The following ITFG1 variants were observed in gnomAD, a reference collection of about 807,000 sequenced individuals.
The protein encoded by ITFG1 is integrin alpha FG-GAP repeat containing 1.
In ITFG1, 34 loss-of-function variants were observed where a neutral mutation model predicts 81.8. The observed-to-expected ratio is 0.42, with a 90% CI of 0.32 to 0.55. The LOEUF (loss-of-function observed/expected upper bound fraction) is 0.55. Ranked by LOEUF, ITFG1 falls within the 20% of genes least tolerant of loss-of-function variation. ITFG1 has a pLI of 0.17. For missense variants in ITFG1, 672 were observed against 755.4 expected (o/e 0.89, Z 1.29); for synonymous variants, 285 against 270.6 (o/e 1.05, Z -0.52).
rs1220818717 is a variant in ITFG1 at position 47,460,896 on chromosome 16, A to G, written c.150T>C (p.Leu50=). ...CGGAGTTGAGGTCCCCGAAAGCCGC[A>G]AGGGTGCCCCAGGCCTCGGCCCCAA... ...ELFGAEAWGT[L]AAFGDLNSDK... The change falls in exon 1 of 18, where the codon CTT becomes CTC. Residue 50 remains leucine (L), a synonymous_variant. Transcript: ENST00000320640. The G allele has an allele frequency of 6.2e-7, 1 of 1,613,486 alleles. No individual in the cohort carries two copies. The highest frequency in any genetic ancestry group is 1.3e-5 in the African/African-American group (1 of 74,936).
chr16:47,264,080 A>AT (rs1215736692), intron 10 of ITFG1, among the ~76,000 whole-genome samples: 2 of 152,104 alleles, frequency 1.3e-5, no homozygotes, highest in East Asian at 1.9e-4. Context: ...TATCTTAAAC[A>AT]TTTTTTTATT....
In ITFG1 at chr16:47,189,928, G is replaced by T. The variant is rs574673509; in HGVS notation, c.1454-27264C>A. Among the ~76,000 whole-genome samples, 3 of 152,258 alleles carry T rather than the reference G, an allele frequency of 2.0e-5. No individual in the cohort carries two copies. The East Asian group carries it at 5.8e-4, about 29-fold the overall frequency. On this transcript the variant is annotated intron_variant, in intron 14 of 17. Coordinates refer to ENST00000320640, the MANE Select transcript of ITFG1 (RefSeq NM_030790.5). ...CTCCCATAAAACCAAACTGCATTAG[G>T]TGTTATTGCTTGTGGAGTTCCAATT... is the stretch of plus-strand genomic sequence containing the variant.
intron 8 of ITFG1, among the ~76,000 whole-genome samples, chr16:47,350,994 T>C (rs1354746814): frequency 5.9e-5 from 9 of 152,218 alleles, no homozygotes; most frequent in Admixed American, 1.3e-4. Flanking sequence ...GAAAAGGCCT[T>C]TGACAAAATT....
intron 12 of ITFG1, among the ~76,000 whole-genome samples, chr16:47,248,055 C>T (rs1966023317): frequency 6.7e-6 from 1 of 148,946 alleles, no homozygotes; most frequent in Non-Finnish European, 1.5e-5. Context: ...TACATACTCA[C>T]GTATTTTCAT....
intron 10 of ITFG1, among the ~76,000 whole-genome samples, chr16:47,276,895 A>G (rs1966403713): frequency 6.6e-6 from 1 of 152,246 alleles, no homozygotes; most frequent in African/African-American, 2.4e-5. Flanking sequence ...ACATATGAAA[A>G]GTAAAATTCT....
At chr16:47,250,514 C>T (rs1312905237) in intron 12 of ITFG1, among the ~76,000 whole-genome samples, 2 of 151,960 alleles carry the variant, frequency 1.3e-5, no homozygotes, top group African/African-American at 2.4e-5. Context: ...TTAATAATTT[C>T]ACAAGGTATA....
At chr16:47,277,840 G>T (rs1026550857) in intron 10 of ITFG1, among the ~76,000 whole-genome samples, 1 of 152,182 alleles carries the variant, frequency 6.6e-6, no homozygotes, top group Non-Finnish European at 1.5e-5. Context: ...TCTGTAAGGA[G>T]ATGGCTGTGT....
intron 2 of ITFG1, among the ~76,000 whole-genome samples, chr16:47,457,519 A>G (rs1282205405): frequency 2.0e-5 from 3 of 152,136 alleles, no homozygotes; most frequent in African/African-American, 7.2e-5. Context: ...AATTAGTGTA[A>G]AATTTTATTT....
rs535608419 is a variant in ITFG1 at position 47,168,430 on chromosome 16, G to A, written c.1454-5766C>T. On this transcript the variant is annotated intron_variant, in intron 14 of 17. Transcript: ENST00000320640. ...GCTCTGTCACCCAGGCTGGAGTGCA[G>A]CGGCACAATCATGGCTCATTGCAGC... is the stretch of plus-strand genomic sequence containing the variant. 5.3e-4 allele frequency among the ~76,000 whole-genome samples: 80 copies of A among 152,240 alleles called. 3 individuals are homozygous for A. The South Asian group carries it at 7.7e-3, about 15-fold the overall frequency.
chr16:47,213,158 T>A (rs1429035740), intron 14 of ITFG1, among the ~76,000 whole-genome samples: 1 of 152,198 alleles, frequency 6.6e-6, no homozygotes, highest in Non-Finnish European at 1.5e-5. Context: ...CTCTTTGACC[T>A]CTGGATTATT....
intron 8 of ITFG1, among the ~76,000 whole-genome samples, chr16:47,359,154 A>G (rs895095537): frequency 2.0e-5 from 3 of 152,192 alleles, no homozygotes; most frequent in African/African-American, 7.2e-5. Context: ...TGCATTTATA[A>G]TGTTAGAAAC....
chr16:47,285,302 T>C lies in ITFG1; in HGVS notation c.1071-24607A>G, dbSNP rs577091390. 3.3e-5 allele frequency among the ~76,000 whole-genome samples: 5 copies of C among 152,242 alleles called. No individual in the cohort carries two copies. The South Asian group carries it at 6.2e-4, about 19-fold the overall frequency. On this transcript the variant is annotated intron_variant, in intron 10 of 17. Coordinates refer to ENST00000320640, the MANE Select transcript of ITFG1 (RefSeq NM_030790.5). ...AACATCCGAGCTGAACAAGTGGAGA[T>C]TGCTGGAGGGGGTTGTGCCCAGGGA...
intron 8 of ITFG1, among the ~76,000 whole-genome samples, chr16:47,347,631 G>A (rs962999468): frequency 6.6e-5 from 10 of 152,208 alleles, no homozygotes; most frequent in African/African-American, 1.7e-4. Context: ...GGGCATAGCC[G>A]AACAAAGGGC....
chr16:47,440,181 T>C (rs558312974), intron 5 of ITFG1, among the ~76,000 whole-genome samples: 1 of 152,260 alleles, frequency 6.6e-6, no homozygotes, highest in South Asian at 2.1e-4. Context: ...CCCAGATTCA[T>C]AAAGCAAGTC....
At chr16:47,455,957 A>T (rs912645790) in intron 2 of ITFG1, among the ~76,000 whole-genome samples, 2 of 152,066 alleles carry the variant, frequency 1.3e-5, no homozygotes, top group African/African-American at 4.8e-5. Flanking sequence ...AGACAAAAAA[A>T]TTTTTCAAAG....
intron 10 of ITFG1, among the ~76,000 whole-genome samples, chr16:47,273,963 C>A (rs1007867226): frequency 6.6e-6 from 1 of 151,954 alleles, no homozygotes; most frequent in Non-Finnish European, 1.5e-5. Context: ...CTATGAGATA[C>A]AAGAATTAAT....
intron 14 of ITFG1, among the ~76,000 whole-genome samples, chr16:47,176,610 G>A (rs1179126838): frequency 1.3e-5 from 2 of 152,164 alleles, no homozygotes; most frequent in Non-Finnish European, 2.9e-5. Context: ...AGCTGCCTAA[G>A]AGAATCATAC....
intron 5 of ITFG1, among the ~76,000 whole-genome samples, chr16:47,446,153 T>G (rs1336591639): frequency 6.6e-6 from 1 of 152,196 alleles, no homozygotes; most frequent in Non-Finnish European, 1.5e-5. Flanking sequence ...AGATACTCTT[T>G]GTTCTCTTAT....
intron 6 of ITFG1, among the ~76,000 whole-genome samples, chr16:47,400,857 G>A (rs1024210050): frequency 2.0e-5 from 3 of 152,160 alleles, no homozygotes; most frequent in Admixed American, 6.5e-5. Flanking sequence ...GACCAGACCA[G>A]AAAAGGCCTT....
Sources: gnomAD v4.1 joint callset for allele counts (sites outside exome capture counted in the v4.1 genomes callset) on GRCh38, gnomAD v4.1.1 for gene constraint, MANE v1.5 for transcripts, NCBI Gene and HGNC (gene_info 2026-07-23, HGNC 2026-07-21) for gene names.